The following JAKMIP3 variants were observed in gnomAD, a reference collection of about 807,000 sequenced individuals.
JAKMIP3 encodes Janus kinase and microtubule interacting protein 3.
Under a neutral mutation model 118.5 loss-of-function variants are expected in JAKMIP3, and 58 were observed. The observed-to-expected ratio is 0.49, with a 90% CI of 0.40 to 0.61. JAKMIP3 has a LOEUF of 0.61. JAKMIP3 is among the 20% of genes least tolerant of loss of function. The pLI is 0.00. For synonymous variants in JAKMIP3, 486 were observed against 451.2 expected, an observed-to-expected ratio of 1.08 and a Z score of -0.98; for missense variants, 950 against 1,109.0, an observed-to-expected ratio of 0.86 and a Z score of 2.04.
chr10:132,041,839 CCTTTCTTTT>C (rs1356265572), intron 1 of JAKMIP3, among the ~76,000 whole-genome samples: 5 of 152,142 alleles, frequency 3.3e-5, no homozygotes, highest in South Asian at 4.2e-4. Flanking sequence ...TTCTTTCTAT[CCTTTCTTTT>C]CTTTCTTTTT....
chr10:132,177,052 A>G (rs916628404), intron 23 of JAKMIP3, among the ~76,000 whole-genome samples: 3 of 152,280 alleles, frequency 2.0e-5, no homozygotes, highest in Non-Finnish European at 4.4e-5. Context: ...CAGAAACTGA[A>G]CGACTGACTT....
intron 1 of JAKMIP3, among the ~76,000 whole-genome samples, chr10:132,039,591 G>A (rs1023140297): frequency 6.6e-6 from 1 of 152,188 alleles, no homozygotes; most frequent in Non-Finnish European, 1.5e-5. Flanking sequence ...GGCTTCCCTG[G>A]CAGAGGTCTC....
chr10:132,153,376 C>A (rs1157277384), intron 17 of JAKMIP3, among the ~76,000 whole-genome samples: 1 of 152,212 alleles, frequency 6.6e-6, no homozygotes. Flanking sequence ...CACCCCTAGC[C>A]CTGACCTGCC....
intron 1 of JAKMIP3, among the ~76,000 whole-genome samples, chr10:132,045,029 C>T (rs191889774): frequency 7.9e-5 from 12 of 152,234 alleles, no homozygotes; most frequent in African/African-American, 2.9e-4. Context: ...TTCAGTCTTG[C>T]GAATCATGCT....
At chr10:132,180,474 T>C (rs12357377) in intron 23 of JAKMIP3, among the ~76,000 whole-genome samples, 94,810 of 111,448 alleles carry the variant, frequency 0.85, 39,557 homozygotes, top group East Asian at 0.97. Flanking sequence ...ACGGAACAGA[T>C]GGGGTAGGGC....
chr10:132,103,409 A>G (rs12767140), intron 1 of JAKMIP3, among the ~76,000 whole-genome samples: 1,064 of 71,046 alleles, frequency 0.015, 4 homozygotes, highest in East Asian at 0.03. Context: ...CACCTGGGGG[A>G]GAGGAGCAGC....
chr10:132,172,289 G>A (rs1363320702), intron 23 of JAKMIP3, among the ~76,000 whole-genome samples: 2 of 152,092 alleles, frequency 1.3e-5, no homozygotes, highest in Non-Finnish European at 2.9e-5. Context: ...CAGGGTGCCC[G>A]AGATGGGTGT....
chr10:132,062,019 C>T (rs1303394618), upstream of JAKMIP3, among the ~76,000 whole-genome samples: 10 of 152,040 alleles, frequency 6.6e-5, no homozygotes, highest in Non-Finnish European at 1.2e-4. Flanking sequence ...TTCAAAGCCA[C>T]GGGTGATGAG....
intron 1 of JAKMIP3, among the ~76,000 whole-genome samples, chr10:132,070,427 C>T (rs1162798008): frequency 2.0e-5 from 3 of 152,132 alleles, no homozygotes; most frequent in Non-Finnish European, 4.4e-5. Flanking sequence ...GGATTACAGG[C>T]GTGAGCCACC....
intron 1 of JAKMIP3, among the ~76,000 whole-genome samples, chr10:132,099,824 C>T (rs961316227): frequency 1.4e-4 from 22 of 152,192 alleles, no homozygotes; most frequent in African/African-American, 4.6e-4. Context: ...GCACGTTCCT[C>T]GGCACCCCAA....
intron 3 of JAKMIP3, among the ~76,000 whole-genome samples, chr10:132,126,583 T>C (rs1016129515): frequency 3.0e-5 from 3 of 100,456 alleles, no homozygotes; most frequent in African/African-American, 1.1e-4. Flanking sequence ...GCCATTGCAC[T>C]CTCCTAAAGT....
Position 132,105,807 on chromosome 10 carries a change from C to T in JAKMIP3, c.135+864C>T, listed in dbSNP as rs542532285. Among the ~76,000 whole-genome samples the T allele has an allele frequency of 2.6e-4, 40 of 152,324 alleles. 2 individuals are homozygous for T. Among genetic ancestry groups the T allele is most frequent in the South Asian group, 1.9e-3 (9 of 4,830 alleles). On this transcript the variant is annotated intron_variant, in intron 2 of 23. Transcript: ENST00000684848. The stretch of plus-strand genomic sequence containing the variant: ...CGTGGGCTTGGAAGGGCCTGGGTCA[C>T]GCGTGGATGGTGTCCCCACTCCAGG...
chr10:132,125,145 C>A (rs1317160292), intron 3 of JAKMIP3, among the ~76,000 whole-genome samples: 1 of 152,248 alleles, frequency 6.6e-6, no homozygotes, highest in Non-Finnish European at 1.5e-5. Flanking sequence ...ACATCCTCTG[C>A]CCCTCCGAGG....
chr10:132,104,594 G>T (rs1024174933), intron 1 of JAKMIP3, 78 bp from the exon 2 acceptor site: 1 of 580,534 alleles, frequency 1.7e-6, no homozygotes. Flanking sequence ...ACGTGCCCCT[G>T]CCCCGGCACA....
intron 1 of JAKMIP3, among the ~76,000 whole-genome samples, chr10:132,096,798 G>A (rs2043928749): frequency 6.6e-6 from 1 of 152,210 alleles, no homozygotes; most frequent in Admixed American, 6.5e-5. Context: ...CGGCCGGCCA[G>A]GGACCTCAGA....
intron 16 of JAKMIP3, 83 bp from the exon 17 acceptor site, chr10:132,152,875 C>T: frequency 8.8e-7 from 1 of 1,133,046 alleles, no homozygotes; most frequent in Non-Finnish European, 1.3e-6. Flanking sequence ...CCTCCCCAGT[C>T]AGCTTCCCCA....
At position 132,130,949 on chromosome 10, in the gene JAKMIP3, CG is replaced by C. The variant is rs112799333; in HGVS notation, c.634-2359del. ...CACAGGTGGCTGTGATGCTGCATGT[CG>C]GGGCCCCATGCAGAGAGACACTGTG... On this transcript the variant is annotated intron_variant, in intron 3 of 23. Coordinates refer to ENST00000684848, the MANE Select transcript of JAKMIP3 (RefSeq NM_001323087.2). 2.2e-3 allele frequency among the ~76,000 whole-genome samples: 338 copies of C among 151,172 alleles called. 3 individuals carry two copies. The highest frequency in any genetic ancestry group is 7.8e-3 in the African/African-American group (322 of 41,078).
At chr10:132,089,918 AG>A (rs1380363545) in intron 1 of JAKMIP3, among the ~76,000 whole-genome samples, 1 of 152,184 alleles carries the variant, frequency 6.6e-6, no homozygotes, top group Non-Finnish European at 1.5e-5. Context: ...TTTAGCATGA[AG>A]GGCTGTTGAA....
At chr10:132,116,076 C>A (rs2047597787) in intron 2 of JAKMIP3, among the ~76,000 whole-genome samples, 1 of 152,252 alleles carries the variant, frequency 6.6e-6, no homozygotes, top group Admixed American at 6.5e-5. Context: ...CAGACAGGCC[C>A]TTGCTGGGCT....
Sources: allele counts gnomAD v4.1 joint callset (sites outside exome capture counted in the v4.1 genomes callset), GRCh38; gene constraint gnomAD v4.1.1; transcripts MANE v1.5; gene names NCBI Gene and HGNC (gene_info 2026-07-23, HGNC 2026-07-21).